PICALM: variants seen among roughly 807,000 people sequenced by gnomAD.
PICALM encodes phosphatidylinositol-binding clathrin assembly protein.
In PICALM, 40 loss-of-function variants were observed where a neutral mutation model predicts 80.5. The ratio of observed to expected loss-of-function variants is 0.50; its 90% CI spans 0.39 to 0.65. PICALM has a LOEUF of 0.65. PICALM is among the 30% of genes least tolerant of loss of function. The probability of loss-of-function intolerance (pLI) is 0.00; values close to 1 mark genes in which losing one functional copy is unlikely to be tolerated. For missense variants in PICALM, 676 were observed against 778.9 expected, an observed-to-expected ratio of 0.87 and a Z score of 1.57; for synonymous variants, 288 against 260.3, an observed-to-expected ratio of 1.11 and a Z score of -1.02.
chr11:85,981,105 C>A, intron 17 of PICALM, 24 bp downstream of exon 17: 1 of 1,084,168 alleles, frequency 9.2e-7, no homozygotes, highest in South Asian at 1.3e-5. Flanking sequence ...AACTGTTAGT[C>A]TATCAGGAGC....
intron 1 of PICALM, among the ~76,000 whole-genome samples, chr11:86,057,113 C>T (rs1593442505): frequency 6.6e-6 from 1 of 151,960 alleles, no homozygotes; most frequent in East Asian, 1.9e-4. Flanking sequence ...ACACTGTGAA[C>T]ATACTAAATA....
intron 10 of PICALM, 23 bp downstream of exon 10, chr11:86,001,012 A>T (rs201636933): frequency 6.2e-7 from 1 of 1,612,996 alleles, no homozygotes; most frequent in Non-Finnish European, 8.5e-7. Context: ...ATTTTTCGAA[A>T]TAAGGAGAAT....
intron 1 of PICALM, among the ~76,000 whole-genome samples, chr11:86,032,741 C>T (rs1172305910): frequency 3.3e-5 from 5 of 152,082 alleles, no homozygotes; most frequent in Non-Finnish European, 7.4e-5. Flanking sequence ...CTCAGCTATA[C>T]TACAATAAAG....
chr11:86,029,155 G>A (rs1295810281), intron 2 of PICALM, among the ~76,000 whole-genome samples: 1 of 151,912 alleles, frequency 6.6e-6, no homozygotes, highest in East Asian at 1.9e-4. Context: ...GTGCATTATT[G>A]TAAGATGTTT....
rs1371583537 is a variant in PICALM, at chr11:85,989,713, C to G, written c.1408+537G>C. On this transcript the variant is annotated intron_variant, in intron 13 of 19. Coordinates refer to ENST00000393346, the MANE Select transcript of PICALM (RefSeq NM_007166.4). The stretch of plus-strand genomic sequence containing the variant: ...AAACACATACTTCCTACTTTTATCT[C>G]CATACTATCAATAAAGTGAAATCCT... Among the ~76,000 whole-genome samples, 3 of 151,962 alleles carry G rather than the reference C, an allele frequency of 2.0e-5. No homozygotes were observed. The East Asian group carries it at 5.8e-4, about 29-fold the overall frequency.
At chr11:85,981,805 TTATAA>T in intron 15 of PICALM, 30 bp from the exon 16 acceptor site, 9 of 1,612,668 alleles carry the variant, frequency 5.6e-6, no homozygotes, top group Non-Finnish European at 6.8e-6. Context: ...AAAAAGCATT[TTATAA>T]CACGAGACGC....
intron 1 of PICALM, among the ~76,000 whole-genome samples, chr11:86,036,696 C>T (rs1435041575): frequency 6.6e-6 from 1 of 151,982 alleles, no homozygotes; most frequent in East Asian, 1.9e-4. Flanking sequence ...TACTATGAGG[C>T]CAACGAATGC....
rs1593194196 is a variant in PICALM, at chr11:86,036,944, C to CGAAAAAAAA, written c.131-5334_131-5333insTTTTTTTTC. On this transcript the variant is annotated intron_variant, in intron 1 of 19. Transcript: ENST00000393346. Reference sequence around the variant, plus strand: ...CAGGGAGATCCTGTCTCAACAACAACCAAAAAAAAAAAATTTTTTTTGAGA... The same window carrying CGAAAAAAAA: ...CAGGGAGATCCTGTCTCAACAACAACGAAAAAAAACAAAAAAAAAAAATTTTTTTTGAGA... Among the ~76,000 whole-genome samples, 30 of 23,070 alleles carry CGAAAAAAAA rather than the reference C, an allele frequency of 1.3e-3. 1 individual carries two copies. The highest frequency in any genetic ancestry group is 1.9e-3 in the Admixed American group (6 of 3,200). 15.1% of individuals were successfully genotyped at this position (23,070 alleles called of 152,430 possible).
At chr11:85,959,185 C>A (rs2093603634) in intron 19 of PICALM, 125 bp from the exon 20 acceptor site, 2 of 550,930 alleles carry the variant, frequency 3.6e-6, no homozygotes, top group Non-Finnish European at 6.4e-6. Flanking sequence ...TATCACAAAC[C>A]CTGTTTATAA....
At chr11:86,063,770 T>C (rs1234162647) in intron 1 of PICALM, among the ~76,000 whole-genome samples, 1 of 151,930 alleles carries the variant, frequency 6.6e-6, no homozygotes, top group Non-Finnish European at 1.5e-5. Flanking sequence ...CTAGTAAGGA[T>C]AATGAAAAAT....
intron 2 of PICALM, among the ~76,000 whole-genome samples, chr11:86,030,372 A>C (rs1388292163): frequency 6.6e-6 from 1 of 152,232 alleles, no homozygotes; most frequent in Non-Finnish European, 1.5e-5. Flanking sequence ...AAAGCCCAAA[A>C]TAACACACAA....
chr11:85,988,352 C>CA (rs2094644830), intron 13 of PICALM, among the ~76,000 whole-genome samples: 1 of 151,944 alleles, frequency 6.6e-6, no homozygotes, highest in Admixed American at 6.6e-5. Flanking sequence ...TGAAGTTAGG[C>CA]AAAAACTAGT....
chr11:86,018,429 TG>T (rs1274887960), intron 4 of PICALM, among the ~76,000 whole-genome samples: 1 of 152,182 alleles, frequency 6.6e-6, no homozygotes, highest in Non-Finnish European at 1.5e-5. Flanking sequence ...AAATGTTAAA[TG>T]TATATATATC....
intron 11 of PICALM, among the ~76,000 whole-genome samples, chr11:85,999,242 G>T (rs1021756181): frequency 6.6e-6 from 1 of 152,168 alleles, no homozygotes; most frequent in Non-Finnish European, 1.5e-5. Flanking sequence ...ATGTACAATA[G>T]TTGTGTAGAT....
Position 85,957,648 on chromosome 11 carries a change from GA to G in PICALM, c.*1397del. 5.1e-6 allele frequency: 1 copy of G among 196,088 alleles called. No individual in the cohort carries two copies. The highest frequency in any genetic ancestry group is 1.1e-5 in the Non-Finnish European group (1 of 94,298). 12.1% of individuals were successfully genotyped at this position (196,088 alleles called of 1,614,324 possible). A position where few individuals can be genotyped will look rare whatever the true frequency, so the allele number is the denominator to read the frequency against. On this transcript the variant is annotated 3_prime_UTR_variant, in exon 20 of 20. Transcript: ENST00000393346. ...GATAATAAAAAGAGAAAGGAAAAAT[GA>G]AAATGCATCTCAGACCAGAATACCA...
chr11:85,957,595 T>A lies in PICALM; in HGVS notation c.*1451A>T, dbSNP rs2093567502. On this transcript the variant is annotated 3_prime_UTR_variant, in exon 20 of 20. Coordinates refer to ENST00000393346, the MANE Select transcript of PICALM (RefSeq NM_007166.4). The stretch of plus-strand genomic sequence containing the variant: ...ATCAACAAATATAATCACCTGGGTA[T>A]ATTTTATTAGGGAAAAATGACAATA... 1 of 188,806 alleles carries A rather than the reference T, an allele frequency of 5.3e-6. No individual in the cohort carries two copies. The highest frequency in any genetic ancestry group is 6.2e-5 in the Admixed American group (1 of 16,234). 11.7% of individuals were successfully genotyped at this position (188,806 alleles called of 1,614,324 possible).
At chr11:85,960,768 C>A in intron 19 of PICALM, 1 of 1,287,222 alleles carries the variant, frequency 7.8e-7, no homozygotes, top group Non-Finnish European at 1.0e-6. Flanking sequence ...GGGCTGGATG[C>A]TGCCGACAGC....
chr11:85,969,668 T>C, intron 19 of PICALM: 1 of 423,178 alleles, frequency 2.4e-6, no homozygotes, highest in South Asian at 1.8e-5. Context: ...CTTATCTAGT[T>C]CAAAGATAAA....
At chr11:86,005,271 T>C (rs1369183074) in intron 8 of PICALM, among the ~76,000 whole-genome samples, 4 of 152,226 alleles carry the variant, frequency 2.6e-5, no homozygotes, top group Admixed American at 1.3e-4. Flanking sequence ...GTAGTTTATC[T>C]TTTTTCTGAA....
Sources: allele counts gnomAD v4.1 joint callset (sites outside exome capture counted in the v4.1 genomes callset), GRCh38; gene constraint gnomAD v4.1.1; transcripts MANE v1.5; gene names NCBI Gene and HGNC (gene_info 2026-07-23, HGNC 2026-07-21).